CYP2C19: variants seen among roughly 807,000 people sequenced by gnomAD.
The protein encoded by CYP2C19 is cytochrome P450 2C19.
In CYP2C19, 59 loss-of-function variants were observed where a neutral mutation model predicts 40.9. The observed-to-expected ratio is 1.44, with a 90% CI of 1.17 to 1.79. The LOEUF (loss-of-function observed/expected upper bound fraction) is 1.79. Among genes scored for constraint, CYP2C19 ranks in the 40% most tolerant of loss-of-function variants. CYP2C19 has a pLI of 0.00. For missense variants in CYP2C19, 754 were observed against 596.9 expected (o/e 1.26, Z -2.74); for synonymous variants, 253 against 208.7 (o/e 1.21, Z -1.83).
chr10:94,784,649 T>C (rs1373969611), intron 5 of CYP2C19, among the ~76,000 whole-genome samples: 1 of 152,074 alleles, frequency 6.6e-6, no homozygotes, highest in African/African-American at 2.4e-5. Flanking sequence ...AGAGTCTCAC[T>C]CTGTTGCCTA....
chr10:94,840,653 T>G (rs1314498182), intron 6 of CYP2C19, among the ~76,000 whole-genome samples: 2 of 152,190 alleles, frequency 1.3e-5, no homozygotes, highest in Non-Finnish European at 2.9e-5. Flanking sequence ...GGCGCACGCA[T>G]GTGTGACAGG....
At chr10:94,788,179 A>G (rs1848567236) in intron 5 of CYP2C19, among the ~76,000 whole-genome samples, 2 of 151,718 alleles carry the variant, frequency 1.3e-5, no homozygotes, top group Non-Finnish European at 2.9e-5. Flanking sequence ...TTTCAGCATG[A>G]ACATTTTTGA....
chr10:94,850,176 C>A, intron 8 of CYP2C19, 118 bp downstream of exon 8: 3 of 1,227,866 alleles, frequency 2.4e-6, no homozygotes, highest in South Asian at 1.3e-5. Context: ...TGATCAAGAG[C>A]ACTGTTCTGA....
intron 3 of CYP2C19, among the ~76,000 whole-genome samples, chr10:94,778,897 A>T (rs1183478037): frequency 6.6e-6 from 1 of 152,208 alleles, no homozygotes; most frequent in Admixed American, 6.5e-5. Flanking sequence ...GATAAAGAAA[A>T]TGTGGCACAT....
At position 94,782,974 on chromosome 10, in the gene CYP2C19, G is replaced by C. The variant is rs532979866; in HGVS notation, c.819+977G>C. On this transcript the variant is annotated intron_variant, in intron 5 of 8. Coordinates refer to ENST00000371321, the MANE Select transcript of CYP2C19 (RefSeq NM_000769.4). ...GGGCCTGTCAAGGGGTGGAGGGCTT[G>C]GGGAGGGATAACATTAAGAGAAATA... Among the ~76,000 whole-genome samples the C allele has an allele frequency of 2.0e-5, 3 of 152,104 alleles. No homozygotes were observed. In the South Asian group the frequency reaches 6.2e-4, roughly 32 times the overall value.
intron 5 of CYP2C19, among the ~76,000 whole-genome samples, chr10:94,799,483 G>T (rs1447144215): frequency 6.6e-6 from 1 of 152,004 alleles, no homozygotes; most frequent in South Asian, 2.1e-4. Flanking sequence ...ATGTGTCTTG[G>T]GGTTGCTCTT....
rs1257192850 is a variant in CYP2C19, at chr10:94,820,623, A to T, written c.947A>T (p.His316Leu). 6.2e-7 allele frequency: 1 copy of T among 1,614,068 alleles called. No homozygotes were observed. The highest frequency in any genetic ancestry group is 8.5e-7 in the Non-Finnish European group (1 of 1,180,038). Reference protein sequence around the residue: ...LRYALLLLLKHPEVTAKVQEE... With the variant: ...LRYALLLLLKLPEVTAKVQEE... ...TATGCTCTCCTTCTCCTGCTGAAGC[A>T]CCCAGAGGTCACAGGTATGATCACA... is the stretch of plus-strand genomic sequence containing the variant. Residue 316 changes from histidine to leucine, a missense_variant, in exon 6 of 9, where the codon CAC becomes CTC. Coordinates refer to ENST00000371321, the MANE Select transcript of CYP2C19 (RefSeq NM_000769.4).
chr10:94,839,932 C>A (rs11188093), intron 6 of CYP2C19, among the ~76,000 whole-genome samples: 72,123 of 151,934 alleles, frequency 0.47, 18,103 homozygotes, highest in African/African-American at 0.63. Context: ...TTTTTCTAAC[C>A]TTATAGCCCC....
chr10:94,788,472 G>T (rs989294982), intron 5 of CYP2C19, among the ~76,000 whole-genome samples: 1 of 151,994 alleles, frequency 6.6e-6, no homozygotes, highest in Non-Finnish European at 1.5e-5. Context: ...AGGTATATAC[G>T]CACCATGGTG....
chr10:94,762,762 C>A lies in CYP2C19; in HGVS notation c.57C>A (p.Ile19=). ...LCLSCLLLLS[I]WRQSSGRGKL... Reference sequence around the variant, plus strand: ...TCTCATGTTTGCTTCTCCTTTCAATCTGGAGACAGAGCTCTGGGAGAGGAA... The same window carrying A: ...TCTCATGTTTGCTTCTCCTTTCAATATGGAGACAGAGCTCTGGGAGAGGAA... Residue 19 remains isoleucine, a synonymous_variant, in exon 1 of 9, where the codon ATC becomes ATA. Transcript: ENST00000371321. The A allele has an allele frequency of 6.2e-7, 1 of 1,613,968 alleles. No homozygotes were observed. Among genetic ancestry groups the A allele is most frequent in the Non-Finnish European group, 8.5e-7 (1 of 1,179,920 alleles).
intron 7 of CYP2C19, among the ~76,000 whole-genome samples, chr10:94,846,693 T>A (rs998877085): frequency 2.6e-5 from 4 of 151,936 alleles, no homozygotes; most frequent in Non-Finnish European, 5.9e-5. Context: ...TTTATTTATT[T>A]TATTATTTTT....
rs568429823 is a variant in CYP2C19, at chr10:94,842,888, G to A, written c.1013G>A (p.Cys338Tyr). The change falls in exon 7 of 9, where the codon TGC becomes TAC. Residue 338 changes from cysteine (C) to tyrosine (Y), a missense_variant. Transcript: ENST00000371321. The stretch of plus-strand genomic sequence containing the variant: ...GTCATTGGCAGAAACCGGAGCCCCT[G>A]CATGCAGGACAGGGGCCACATGCCC... The part of the protein sequence containing the change: ...ERVIGRNRSP[C>Y]MQDRGHMPYT... 6.2e-7 allele frequency: 1 copy of A among 1,614,164 alleles called. No individual in the cohort carries two copies. The highest frequency in any genetic ancestry group is 1.7e-5 in the Admixed American group (1 of 60,022).
chr10:94,810,880 T>C (rs1428881538), intron 5 of CYP2C19, among the ~76,000 whole-genome samples: 1 of 152,202 alleles, frequency 6.6e-6, no homozygotes, highest in Non-Finnish European at 1.5e-5. Flanking sequence ...TGTCTCTATC[T>C]CCTTCAATTC....
intron 6 of CYP2C19, among the ~76,000 whole-genome samples, chr10:94,836,872 G>A (rs1051405164): frequency 6.6e-6 from 1 of 152,202 alleles, no homozygotes; most frequent in Non-Finnish European, 1.5e-5. Flanking sequence ...CGTACTGAAG[G>A]ACAAGAGTGT....
chr10:94,767,243 CCTT>C lies in CYP2C19; in HGVS notation c.168+4374_168+4376del, dbSNP rs372962864. ...AAGTGCCTCTTGACTGTTTTATTTGCCTTCTTGACCTTCCCTGAGGATTGTGGC... is the reference window on the plus strand; with the variant it reads ...AAGTGCCTCTTGACTGTTTTATTTGCCTTGACCTTCCCTGAGGATTGTGGC... On this transcript the variant is annotated intron_variant, in intron 1 of 8. Transcript: ENST00000371321. 4.7e-3 allele frequency among the ~76,000 whole-genome samples: 709 copies of C among 152,192 alleles called. 3 individuals are homozygous for C. The highest frequency in any genetic ancestry group is 0.017 in the African/African-American group (686 of 41,546).
chr10:94,850,906 G>T (rs1380059151), intron 8 of CYP2C19, among the ~76,000 whole-genome samples: 3 of 152,180 alleles, frequency 2.0e-5, no homozygotes, highest in African/African-American at 7.2e-5. Context: ...TTGGATGTTT[G>T]ATCTCCACAC....
At chr10:94,796,575 T>C (rs1220072319) in intron 5 of CYP2C19, among the ~76,000 whole-genome samples, 1 of 152,140 alleles carries the variant, frequency 6.6e-6, no homozygotes, top group Non-Finnish European at 1.5e-5. Flanking sequence ...AATCTATAAA[T>C]TACCTTGGGC....
In CYP2C19 at chr10:94,803,434, T is replaced by C. The variant is rs947832933; in HGVS notation, c.820-17062T>C. On this transcript the variant is annotated intron_variant, in intron 5 of 8. Coordinates refer to ENST00000371321, the MANE Select transcript of CYP2C19 (RefSeq NM_000769.4). Reference sequence around the variant, plus strand: ...GCCAGCTGCAGCTAGCACAAGTTTCTCTAGCACAGCTTGATCCTTGTTTTC... The same window carrying C: ...GCCAGCTGCAGCTAGCACAAGTTTCCCTAGCACAGCTTGATCCTTGTTTTC... Among the ~76,000 whole-genome samples, 6 of 152,206 alleles carry C rather than the reference T, an allele frequency of 3.9e-5. No individual in the cohort carries two copies. The East Asian group carries it at 9.6e-4, about 24-fold the overall frequency.
At position 94,850,068 on chromosome 10, in the gene CYP2C19, A is replaced by G; in HGVS notation, c.1291+10A>G. The G allele has an allele frequency of 6.2e-7, 1 of 1,613,056 alleles. No individual in the cohort carries two copies. Among genetic ancestry groups the G allele is most frequent in the African/African-American group, 1.3e-5 (1 of 74,992 alleles). On this transcript the variant is annotated intron_variant, in intron 8 of 8. Coordinates refer to ENST00000371321, the MANE Select transcript of CYP2C19 (RefSeq NM_000769.4). Reference sequence around the variant, plus strand: ...ATGCCTTTCTCAGCAGGTAATATAAATTTATTTCCCTTTGTGTTTCAGGGT... The same window carrying G: ...ATGCCTTTCTCAGCAGGTAATATAAGTTTATTTCCCTTTGTGTTTCAGGGT...
Sources: gnomAD v4.1 joint callset for allele counts (sites outside exome capture counted in the v4.1 genomes callset) on GRCh38, gnomAD v4.1.1 for gene constraint, MANE v1.5 for transcripts, NCBI Gene and HGNC (gene_info 2026-07-23, HGNC 2026-07-21) for gene names.